KIF13B: variants seen among roughly 807,000 people sequenced by gnomAD.
The protein encoded by KIF13B is kinesin family member 13B, also known as kinesin-like protein KIF13B.
In KIF13B, 127 loss-of-function variants were observed where a neutral mutation model predicts 222.0. The observed-to-expected ratio is 0.57, with a 90% CI of 0.50 to 0.66. The LOEUF is 0.66. Among genes scored for constraint, KIF13B ranks in the 30% least tolerant of loss-of-function variants. The pLI, the probability that KIF13B is intolerant of heterozygous loss-of-function variation, is 0.00. For missense variants in KIF13B, 2,173 were observed against 2,379.0 expected (o/e 0.91, Z 1.80); for synonymous variants, 976 against 919.0 (o/e 1.06, Z -1.12).
chr8:29,104,221 A>G (rs1355153797), intron 35 of KIF13B, among the ~76,000 whole-genome samples: 1 of 151,728 alleles, frequency 6.6e-6, no homozygotes, highest in Admixed American at 6.6e-5. Flanking sequence ...CCTGGCTTCA[A>G]CTCGGACACC....
At chr8:29,224,135 G>A (rs573454205) in intron 2 of KIF13B, among the ~76,000 whole-genome samples, 70 of 151,106 alleles carry the variant, frequency 4.6e-4, no homozygotes, top group Non-Finnish European at 8.3e-4. Flanking sequence ...GGGACTACAG[G>A]CACCCGCCAC....
At chr8:29,134,268 A>C in intron 21 of KIF13B, 58 bp from the exon 22 acceptor site, 1 of 1,553,894 alleles carries the variant, frequency 6.4e-7, no homozygotes, top group Non-Finnish European at 8.8e-7. Flanking sequence ...AAGCATTCAG[A>C]GTTGCAGGTT....
At chr8:29,181,148 G>C (rs1812696271) in intron 7 of KIF13B, among the ~76,000 whole-genome samples, 1 of 152,154 alleles carries the variant, frequency 6.6e-6, no homozygotes, top group African/African-American at 2.4e-5. Flanking sequence ...AAGGGTGTAG[G>C]CATGCTATCT....
chr8:29,076,271 C>T lies in KIF13B; in HGVS notation c.4459-928G>A, dbSNP rs901888082. Among the ~76,000 whole-genome samples, 15 of 152,216 alleles carry T rather than the reference C, an allele frequency of 9.9e-5. No individual in the cohort carries two copies. In the East Asian group the frequency reaches 1.9e-3, roughly 20 times the overall value. On this transcript the variant is annotated intron_variant, in intron 37 of 39. Transcript: ENST00000524189. The stretch of plus-strand genomic sequence containing the variant: ...CCCGACTGCAGGAACCAGGCCTGGC[C>T]TCCCATGCTGGGCTCTCATGAGGGC...
intron 2 of KIF13B, among the ~76,000 whole-genome samples, chr8:29,214,371 AG>A: frequency 6.6e-6 from 1 of 152,360 alleles, no homozygotes; most frequent in South Asian, 2.1e-4. Context: ...TTATATTTTT[AG>A]AACTTTTTTA....
chr8:29,252,099 T>G (rs924901072), intron 1 of KIF13B, among the ~76,000 whole-genome samples: 1 of 152,022 alleles, frequency 6.6e-6, no homozygotes, highest in Non-Finnish European at 1.5e-5. Flanking sequence ...AGGAAGAAAT[T>G]AATTTATTCC....
chr8:29,257,816 A>T (rs906513782), intron 1 of KIF13B, among the ~76,000 whole-genome samples: 1 of 152,178 alleles, frequency 6.6e-6, no homozygotes, highest in African/African-American at 2.4e-5. Flanking sequence ...TGTCTCAAAA[A>T]AAATAAATAA....
In KIF13B at chr8:29,167,521, T is replaced by C; in HGVS notation, c.1010A>G (p.Tyr337Cys). 2 of 1,614,088 alleles carry C rather than the reference T, an allele frequency of 1.2e-6. No homozygotes were observed. The highest frequency in any genetic ancestry group is 1.7e-6 in the Non-Finnish European group (2 of 1,179,906). The change falls in exon 11 of 40, where the codon TAT (tyrosine) becomes TGT (cysteine). Residue 337 changes from tyrosine (Y) to cysteine (C), a missense_variant. This residue lies in a region of KIF13B where 1,480 missense variants were observed against 1,722.8 expected (regional missense o/e 0.86). Coordinates refer to ENST00000524189, the MANE Select transcript of KIF13B (RefSeq NM_015254.4). ...VATVSPAADN[Y>C]DETLSTLRYA... ...CCGCAGAGTTGAGAGGGTTTCATCA[T>C]AGTTATCAGCTGCAGGACTCACAGT...
Position 29,240,959 on chromosome 8 carries a change from G to T in KIF13B, c.149+4387C>A, listed in dbSNP as rs187168309. 1.4e-3 allele frequency among the ~76,000 whole-genome samples: 212 copies of T among 152,230 alleles called. 1 individual carries two copies. The highest frequency in any genetic ancestry group is 5.0e-3 in the African/African-American group (209 of 41,532). On this transcript the variant is annotated intron_variant, in intron 2 of 39. Coordinates refer to ENST00000524189, the MANE Select transcript of KIF13B (RefSeq NM_015254.4). ...ATGACCCAGAAGCGTTCCATAACTA[G>T]AAATGAATCTAAGAGAAATGAAAAC...
chr8:29,251,726 A>G (rs760903471), intron 1 of KIF13B, among the ~76,000 whole-genome samples: 36 of 152,236 alleles, frequency 2.4e-4, no homozygotes, highest in Non-Finnish European at 4.6e-4. Context: ...AATGTACTCA[A>G]TGCTACTGAA....
chr8:29,185,798 C>T (rs1329544702), intron 6 of KIF13B, among the ~76,000 whole-genome samples: 6 of 152,296 alleles, frequency 3.9e-5, no homozygotes, highest in South Asian at 2.1e-4. Flanking sequence ...TCCACTGTTG[C>T]GCTTCCTTAA....
At chr8:29,258,578 C>T (rs1816569424) in intron 1 of KIF13B, among the ~76,000 whole-genome samples, 1 of 152,182 alleles carries the variant, frequency 6.6e-6, no homozygotes, top group Admixed American at 6.5e-5. Context: ...ACAGAATCTC[C>T]ATTCTGGCAG....
At chr8:29,130,300 C>T (rs1252992057) in intron 24 of KIF13B, among the ~76,000 whole-genome samples, 1 of 152,070 alleles carries the variant, frequency 6.6e-6, no homozygotes, top group African/African-American at 2.4e-5. Flanking sequence ...TTGCTTGAGC[C>T]TAGGAGTTCA....
chr8:29,195,942 G>GA (rs1813399123), intron 3 of KIF13B, among the ~76,000 whole-genome samples: 1 of 152,246 alleles, frequency 6.6e-6, no homozygotes, highest in South Asian at 2.1e-4. Flanking sequence ...GGCACAAAAG[G>GA]AATCTGTGTT....
intron 6 of KIF13B, among the ~76,000 whole-genome samples, chr8:29,183,542 C>T (rs1162869671): frequency 6.6e-6 from 1 of 152,200 alleles, no homozygotes; most frequent in Non-Finnish European, 1.5e-5. Flanking sequence ...ATAATCTGCT[C>T]TTGACCACCT....
chr8:29,111,633 C>T (rs183318670), intron 32 of KIF13B, among the ~76,000 whole-genome samples: 3 of 152,202 alleles, frequency 2.0e-5, no homozygotes, highest in East Asian at 1.9e-4. Context: ...AAAACCCTAT[C>T]GCCTGGAGAA....
chr8:29,157,225 T>A (rs911951580), intron 13 of KIF13B, among the ~76,000 whole-genome samples: 1 of 151,052 alleles, frequency 6.6e-6, no homozygotes, highest in Non-Finnish European at 1.5e-5. Flanking sequence ...TCCCTTCCAC[T>A]CCTGCCACAA....
At chr8:29,163,320 G>A (rs1811860886) in intron 12 of KIF13B, among the ~76,000 whole-genome samples, 1 of 152,208 alleles carries the variant, frequency 6.6e-6, no homozygotes, top group Non-Finnish European at 1.5e-5. Flanking sequence ...GTCAAAGGGT[G>A]CAGAGGCTGC....
In KIF13B at chr8:29,196,199, C is replaced by A; in HGVS notation, c.150G>T (p.Arg50=). ...CCAAATCTCTTACCTTCGGCTGGCC[C>A]CTGAGCTCCCAAAACAGATGTCATC... The part of the protein sequence containing the change: ...VNTNLSKGDA[R]GQPKVFAYDH... Residue 50 remains arginine, a splice_region_variant and synonymous_variant, in exon 3 of 40, where the codon CGG becomes CGT. Coordinates refer to ENST00000524189, the MANE Select transcript of KIF13B (RefSeq NM_015254.4). 6.4e-7 allele frequency: 1 copy of A among 1,563,378 alleles called. No homozygotes were observed. Among genetic ancestry groups the A allele is most frequent in the Non-Finnish European group, 8.7e-7 (1 of 1,153,324 alleles).
Sources: gnomAD v4.1 joint callset for allele counts (sites outside exome capture counted in the v4.1 genomes callset) on GRCh38, gnomAD v4.1.1 for gene constraint, gnomAD v4.1.1 regional missense constraint, MANE v1.5 for transcripts, NCBI Gene and HGNC (gene_info 2026-07-23, HGNC 2026-07-21) for gene names.